RAPH1: variants seen among roughly 807,000 people sequenced by gnomAD.
RAPH1 encodes ras-associated and pleckstrin homology domains-containing protein 1.
A neutral mutation model predicts 88.1 loss-of-function variants in RAPH1; 18 were observed. The observed-to-expected ratio is 0.20, with a 90% CI of 0.14 to 0.30. RAPH1 has a LOEUF of 0.30. RAPH1 is among the 10% of genes least tolerant of loss of function. The pLI, the probability that RAPH1 is intolerant of heterozygous loss-of-function variation, is 1.00. For missense variants in RAPH1, 1,448 were observed against 1,543.2 expected (o/e 0.94, Z 1.03); for synonymous variants, 587 against 559.0 (o/e 1.05, Z -0.71).
chr2:203,477,408 T>C (rs1439143237), intron 4 of RAPH1, among the ~76,000 whole-genome samples: 6 of 152,236 alleles, frequency 3.9e-5, no homozygotes, highest in Non-Finnish European at 7.3e-5. Context: ...TAGAGTTCTA[T>C]GAAATAATTG....
At chr2:203,442,863 G>A (rs1045823839) in intron 13 of RAPH1, 3 of 152,142 alleles carry the variant, frequency 2.0e-5, no homozygotes, top group African/African-American at 7.2e-5. Context: ...AAATGCACAC[G>A]GATCTCACCA....
chr2:203,459,052 G>C (rs2098522211), intron 7 of RAPH1, among the ~76,000 whole-genome samples: 1 of 152,096 alleles, frequency 6.6e-6, no homozygotes, highest in Admixed American at 6.5e-5. Flanking sequence ...TGTATTTTTA[G>C]TAGAGACGGG....
chr2:203,435,522 A>T lies in RAPH1; in HGVS notation c.*3915T>A, dbSNP rs74327996. 2 of 117,050 alleles carry T rather than the reference A, an allele frequency of 1.7e-5. No homozygotes were observed. Among genetic ancestry groups the T allele is most frequent in the Admixed American group, 7.9e-5 (1 of 12,676 alleles). 7.3% of individuals were successfully genotyped at this position (117,050 alleles called of 1,614,324 possible). A position where few individuals can be genotyped will look rare whatever the true frequency, so the allele number is the denominator to read the frequency against. ...TTTATACAAATGTAAAGTGTATATT[A>T]AAAAAAAAAAAGTGAAAGTTACCTG... On this transcript the variant is annotated 3_prime_UTR_variant, in exon 14 of 14. Transcript: ENST00000319170.
At position 203,434,623 on chromosome 2, in the gene RAPH1, GT is replaced by G. The variant is rs2098496916; in HGVS notation, c.*4813del. The G allele has an allele frequency of 6.6e-6, 1 of 152,124 alleles. No homozygotes were observed. The highest frequency in any genetic ancestry group is 1.5e-5 in the Non-Finnish European group (1 of 67,970). The allele number at this position is 152,124 out of a possible 1,614,324, so 9.4% of individuals were successfully genotyped here. ...ATAATATGAAAAACGGCAGTTTTTG[GT>G]ATTAGGTTACAATAAATTTAACGAA... On this transcript the variant is annotated 3_prime_UTR_variant, in exon 14 of 14. Coordinates refer to ENST00000319170, the MANE Select transcript of RAPH1 (RefSeq NM_213589.3).
At chr2:203,478,079 C>G (rs896483190) in intron 4 of RAPH1, among the ~76,000 whole-genome samples, 3 of 150,776 alleles carry the variant, frequency 2.0e-5, no homozygotes, top group Non-Finnish European at 2.9e-5. Context: ...GTCGCCCAGG[C>G]TGGAGTGCAA....
intron 4 of RAPH1, among the ~76,000 whole-genome samples, chr2:203,477,371 G>A (rs1687510403): frequency 6.6e-6 from 1 of 152,138 alleles, no homozygotes; most frequent in African/African-American, 2.4e-5. Context: ...GATAATTTAA[G>A]GATAACCTCA....
rs138886906 is a variant in RAPH1, at chr2:203,517,617, T to C, written c.-1+17494A>G. On this transcript the variant is annotated intron_variant, in intron 1 of 13. Coordinates refer to ENST00000319170, the MANE Select transcript of RAPH1 (RefSeq NM_213589.3). ...CCAAGACAGATCACATTCTGGACCA[T>C]AAAACACACCATTAACAAATGTAAC... is the stretch of plus-strand genomic sequence containing the variant. Among the ~76,000 whole-genome samples, 736 of 152,204 alleles carry C rather than the reference T, an allele frequency of 4.8e-3. 9 individuals are homozygous for C. Among genetic ancestry groups the C allele is most frequent in the African/African-American group, 0.017 (692 of 41,546 alleles).
chr2:203,475,180 G>C (rs2098536332), intron 4 of RAPH1, among the ~76,000 whole-genome samples: 1 of 152,186 alleles, frequency 6.6e-6, no homozygotes, highest in African/African-American at 2.4e-5. Flanking sequence ...GGCCGAGGCG[G>C]GAGGATCACA....
intron 4 of RAPH1, among the ~76,000 whole-genome samples, chr2:203,478,592 C>CAAA (rs1687582884): frequency 6.6e-6 from 1 of 152,054 alleles, no homozygotes; most frequent in Non-Finnish European, 1.5e-5. Flanking sequence ...CAGGTTCAAG[C>CAAA]AATTTTCCTG....
intron 4 of RAPH1, among the ~76,000 whole-genome samples, chr2:203,468,152 T>C (rs1409876362): frequency 1.3e-5 from 2 of 152,194 alleles, no homozygotes; most frequent in Non-Finnish European, 2.9e-5. Context: ...TCATAAACAT[T>C]GTCTGGCACA....
chr2:203,467,688 G>C (rs1236056379), intron 4 of RAPH1, among the ~76,000 whole-genome samples: 4 of 152,132 alleles, frequency 2.6e-5, no homozygotes, highest in Non-Finnish European at 5.9e-5. Flanking sequence ...ACTTGTGTAC[G>C]TGCAGGTTTT....
intron 1 of RAPH1, among the ~76,000 whole-genome samples, chr2:203,534,470 G>A (rs1336701754): frequency 7.0e-6 from 1 of 142,878 alleles, no homozygotes; most frequent in African/African-American, 2.6e-5. Context: ...TAACACGAAG[G>A]CATCCTAATA....
Position 203,535,221 on chromosome 2 carries a change from C to G in RAPH1, c.-111G>C, listed in dbSNP as rs1053486817. ...AGGCGCGGCGCTCCCTCGCCAGAGA[C>G]GCAGCGACTGCCAGCAGCTCCCGCG... is the stretch of plus-strand genomic sequence containing the variant. On this transcript the variant is annotated 5_prime_UTR_variant, in exon 1 of 14. Coordinates refer to ENST00000319170, the MANE Select transcript of RAPH1 (RefSeq NM_213589.3). 6.6e-6 allele frequency: 1 copy of G among 152,346 alleles called. No homozygotes were observed. The highest frequency in any genetic ancestry group is 2.4e-5 in the African/African-American group (1 of 41,406). The allele number at this position is 152,346 out of a possible 1,614,324, so 9.4% of individuals were successfully genotyped here.
intron 10 of RAPH1, among the ~76,000 whole-genome samples, chr2:203,450,470 A>G (rs551976184): frequency 1.4e-4 from 22 of 152,348 alleles, no homozygotes; most frequent in African/African-American, 4.8e-4. Flanking sequence ...ATAAACCATA[A>G]TAGTGACCTT....
rs953202400 is a variant in RAPH1 at position 203,434,052 on chromosome 2, C to A, written c.*5385G>T. 5 of 127,486 alleles carry A rather than the reference C, an allele frequency of 3.9e-5. No individual in the cohort carries two copies. Among genetic ancestry groups the A allele is most frequent in the African/African-American group, 9.8e-5 (3 of 30,612 alleles). 7.9% of individuals were successfully genotyped at this position (127,486 alleles called of 1,614,324 possible). A position where few individuals can be genotyped will look rare whatever the true frequency, so the allele number is the denominator to read the frequency against. On this transcript the variant is annotated 3_prime_UTR_variant, in exon 14 of 14. Coordinates refer to ENST00000319170, the MANE Select transcript of RAPH1 (RefSeq NM_213589.3). ...ATATCTCTCTCATATATCTATCTAT[C>A]TATCTATATATATATATATATATAT...
intron 1 of RAPH1, among the ~76,000 whole-genome samples, chr2:203,502,916 G>C (rs1688800380): frequency 6.6e-6 from 1 of 152,110 alleles, no homozygotes; most frequent in African/African-American, 2.4e-5. Context: ...GGCCGAGGCA[G>C]GCGGATCACC....
At position 203,523,605 on chromosome 2, in the gene RAPH1, T is replaced by G. The variant is rs149338709; in HGVS notation, c.-1+11506A>C. Among the ~76,000 whole-genome samples, 1,410 of 152,194 alleles carry G rather than the reference T, an allele frequency of 9.3e-3. 9 individuals carry two copies. Among genetic ancestry groups the G allele is most frequent in the Admixed American group, 0.014 (207 of 15,280 alleles). ...TGGAAATATACTTTCTGAACTTTGG[T>G]GTAGGCAAAAATTTATTAGGGCACA... On this transcript the variant is annotated intron_variant, in intron 1 of 13. Transcript: ENST00000319170.
rs1581366378 is a variant in RAPH1 at position 203,499,413 on chromosome 2, T to C, written c.1-4060A>G. ...TTCAATTTGTCCCTATGTGGATTAGTTTAACAGCAACAAAAAAAAAAAAAC... is the reference window on the plus strand; with the variant it reads ...TTCAATTTGTCCCTATGTGGATTAGCTTAACAGCAACAAAAAAAAAAAAAC... On this transcript the variant is annotated intron_variant, in intron 1 of 13. Transcript: ENST00000319170. Among the ~76,000 whole-genome samples the C allele has an allele frequency of 2.0e-5, 3 of 152,074 alleles. No individual in the cohort carries two copies. In the East Asian group the frequency reaches 5.8e-4, roughly 29 times the overall value.
At chr2:203,497,422 A>T (rs918195870) in intron 1 of RAPH1, among the ~76,000 whole-genome samples, 1 of 152,234 alleles carries the variant, frequency 6.6e-6, no homozygotes, top group African/African-American at 2.4e-5. Flanking sequence ...AAATGTAAGG[A>T]ATCTAATTAT....
Sources: allele counts gnomAD v4.1 joint callset (sites outside exome capture counted in the v4.1 genomes callset), GRCh38; gene constraint gnomAD v4.1.1; transcripts MANE v1.5; gene names NCBI Gene and HGNC (gene_info 2026-07-23, HGNC 2026-07-21).